The following EIPR1 variants were observed in gnomAD, a reference collection of about 807,000 sequenced individuals.
EIPR1 encodes EARP complex and GARP complex interacting protein 1.
EIPR1 carries 25 observed loss-of-function variants against 48.1 expected under a neutral mutation model. That is an observed-to-expected ratio of 0.52 (90% CI 0.38 to 0.73). The LOEUF is 0.73. Ranked by LOEUF, EIPR1 falls within the 30% of genes least tolerant of loss-of-function variation. The probability of loss-of-function intolerance (pLI) is 0.00; values close to 1 mark genes in which losing one functional copy is unlikely to be tolerated. For synonymous variants in EIPR1, 204 were observed against 201.9 expected, an observed-to-expected ratio of 1.01 and a Z score of -0.09; for missense variants, 415 against 506.2, an observed-to-expected ratio of 0.82 and a Z score of 1.73.
chr2:3,256,017 T>C (rs1043950821), intron 4 of EIPR1, among the ~76,000 whole-genome samples: 2 of 152,188 alleles, frequency 1.3e-5, no homozygotes, highest in Non-Finnish European at 2.9e-5. Context: ...CCTGGGGACT[T>C]TGGGACTCTT....
chr2:3,192,756 A>G (rs942992388), intron 7 of EIPR1, among the ~76,000 whole-genome samples, 175 bp from the exon 8 acceptor site: 3 of 152,260 alleles, frequency 2.0e-5, no homozygotes, highest in Admixed American at 1.3e-4. Flanking sequence ...GGTTGGGTTT[A>G]CTGCAGGTTT....
At chr2:3,318,755 C>A in intron 3 of EIPR1, 1 of 442,744 alleles carries the variant, frequency 2.3e-6, no homozygotes. Flanking sequence ...GTTCCAAACT[C>A]TGAAGCCAAA....
chr2:3,295,265 T>TG (rs1668519604), intron 3 of EIPR1, among the ~76,000 whole-genome samples: 2 of 61,988 alleles, frequency 3.2e-5, no homozygotes, highest in African/African-American at 6.6e-5. Context: ...CCGTCCTCTC[T>TG]CCACACACAC....
chr2:3,190,204 G>A (rs1015603155), intron 8 of EIPR1, among the ~76,000 whole-genome samples: 4 of 152,224 alleles, frequency 2.6e-5, no homozygotes, highest in South Asian at 4.1e-4. Context: ...TCAGCACAGC[G>A]TGCATGGGGA....
rs114842181 is a variant in EIPR1 at position 3,328,474 on chromosome 2, C to A, written c.259+9543G>T. Among the ~76,000 whole-genome samples the A allele has an allele frequency of 6.7e-3, 965 of 144,574 alleles. 11 individuals carry two copies. Among genetic ancestry groups the A allele is most frequent in the African/African-American group, 0.023 (928 of 39,638 alleles). The allele number at this position is 144,574 out of a possible 152,430, so 94.8% of individuals were successfully genotyped here. A position where few individuals can be genotyped will look rare whatever the true frequency, so the allele number is the denominator to read the frequency against. On this transcript the variant is annotated intron_variant, in intron 3 of 8. Coordinates refer to ENST00000382125, the MANE Select transcript of EIPR1 (RefSeq NM_003310.5). ...CTGGGTTCCCCTGAATCAGAGCCCA[C>A]CCACCAAGCTCTAATGATCTCGGTG... is the stretch of plus-strand genomic sequence containing the variant.
intron 3 of EIPR1, among the ~76,000 whole-genome samples, chr2:3,268,414 T>G (rs764384209): frequency 1.3e-5 from 2 of 152,218 alleles, no homozygotes; most frequent in Non-Finnish European, 2.9e-5. Context: ...AGCTCCAGCC[T>G]GGCCAAAGCA....
At chr2:3,262,367 A>G (rs1667360425) in intron 3 of EIPR1, among the ~76,000 whole-genome samples, 1 of 152,222 alleles carries the variant, frequency 6.6e-6, no homozygotes, top group South Asian at 2.1e-4. Context: ...AGGAAACACA[A>G]GCTATGGCAA....
At chr2:3,314,597 C>G (rs1003662921) in intron 3 of EIPR1, among the ~76,000 whole-genome samples, 7 of 151,994 alleles carry the variant, frequency 4.6e-5, no homozygotes, top group African/African-American at 1.7e-4. Context: ...GAGCTGGGCT[C>G]AGGGCCCTCG....
intron 4 of EIPR1, among the ~76,000 whole-genome samples, chr2:3,252,590 C>T (rs559735345): frequency 9.9e-5 from 15 of 152,206 alleles, no homozygotes; most frequent in South Asian, 6.2e-4. Context: ...GATTCCATCT[C>T]CAAAACAAAA....
chr2:3,331,094 A>T (rs1669884192), intron 3 of EIPR1, among the ~76,000 whole-genome samples: 1 of 135,764 alleles, frequency 7.4e-6, no homozygotes, highest in Non-Finnish European at 1.7e-5. Flanking sequence ...AGATGGTGTG[A>T]GCAGAGGCAG....
At chr2:3,326,591 C>T (rs1243984415) in intron 3 of EIPR1, among the ~76,000 whole-genome samples, 1 of 152,186 alleles carries the variant, frequency 6.6e-6, no homozygotes, top group Non-Finnish European at 1.5e-5. Context: ...CTGGAGTGTG[C>T]TAAGTTCTCA....
In EIPR1 at chr2:3,198,997, G is replaced by A. The variant is rs1039675458; in HGVS notation, c.517-1980C>T. Among the ~76,000 whole-genome samples, 3 of 135,750 alleles carry A rather than the reference G, an allele frequency of 2.2e-5. No homozygotes were observed. The East Asian group carries it at 6.3e-4, about 29-fold the overall frequency. 89.1% of individuals were successfully genotyped at this position (135,750 alleles called of 152,430 possible). A position where few individuals can be genotyped will look rare whatever the true frequency, so the allele number is the denominator to read the frequency against. ...CCTGGGGGCACTGCAGGAGGCCAGG[G>A]TGTGTTTCATCCCTCATCTGCAACT... On this transcript the variant is annotated intron_variant, in intron 5 of 8. Transcript: ENST00000382125.
At chr2:3,342,861 T>C (rs1372859179) in intron 2 of EIPR1, among the ~76,000 whole-genome samples, 1 of 152,252 alleles carries the variant, frequency 6.6e-6, no homozygotes, top group Non-Finnish European at 1.5e-5. Flanking sequence ...GGTTGATTCA[T>C]AGAGTAGTGC....
intron 3 of EIPR1, among the ~76,000 whole-genome samples, chr2:3,287,617 G>A (rs183440471): frequency 1.6e-5 from 2 of 122,832 alleles, no homozygotes; most frequent in East Asian, 5.2e-4. Flanking sequence ...GTTCATTCAG[G>A]CTCCAGAAAG....
chr2:3,354,729 G>T, intron 1 of EIPR1, 96 bp from the exon 2 acceptor site: 1 of 1,191,950 alleles, frequency 8.4e-7, no homozygotes, highest in Non-Finnish European at 1.2e-6. Context: ...CTCATCTACT[G>T]TTGATAAAGT....
rs79825959 is a variant in EIPR1, at chr2:3,342,909, G to C, written c.127-4760C>G. Among the ~76,000 whole-genome samples, 1,505 of 152,318 alleles carry C rather than the reference G, an allele frequency of 9.9e-3. 164 individuals are homozygous for C. In the East Asian group the frequency reaches 0.23, roughly 24 times the overall value. On this transcript the variant is annotated intron_variant, in intron 2 of 8. Transcript: ENST00000382125. ...TCATGAACTGTTTTAACTCGGGGCT[G>C]TTCAAACAGGATGCCATCAACCACC...
At chr2:3,342,493 G>A (rs1045274444) in intron 2 of EIPR1, among the ~76,000 whole-genome samples, 1 of 152,274 alleles carries the variant, frequency 6.6e-6, no homozygotes, top group Non-Finnish European at 1.5e-5. Flanking sequence ...GGCTTTCTGG[G>A]CTCTTCAGGA....
chr2:3,300,302 TTGTACCTAGACAGTGATTACATA>T (rs1668727974), intron 3 of EIPR1, among the ~76,000 whole-genome samples: 3 of 152,342 alleles, frequency 2.0e-5, no homozygotes, highest in Admixed American at 2.0e-4. Context: ...GTACTCTCCT[TTGTACCTAGACAGTGATTACATA>T]TGAATGGCTG....
intron 3 of EIPR1, among the ~76,000 whole-genome samples, chr2:3,272,517 A>G (rs952024218): frequency 1.3e-5 from 2 of 152,174 alleles, no homozygotes; most frequent in African/African-American, 4.8e-5. Context: ...TTCTCAGGGA[A>G]CAGAGAGGCC....
Sources: allele counts gnomAD v4.1 joint callset (sites outside exome capture counted in the v4.1 genomes callset), GRCh38; gene constraint gnomAD v4.1.1; transcripts MANE v1.5; gene names NCBI Gene and HGNC (gene_info 2026-07-23, HGNC 2026-07-21).